ITCH: variants seen among roughly 807,000 people sequenced by gnomAD.
ITCH encodes the protein E3 ubiquitin-protein ligase Itchy homolog.
A neutral mutation model predicts 126.8 loss-of-function variants in ITCH; 28 were observed. The ratio of observed to expected loss-of-function variants is 0.22; its 90% CI spans 0.16 to 0.30. ITCH has a LOEUF of 0.30. Among genes scored for constraint, ITCH ranks in the 10% least tolerant of loss-of-function variants. The pLI is 1.00. For synonymous variants in ITCH, 342 were observed against 340.0 expected (o/e 1.01, Z -0.06); for missense variants, 631 against 1,032.4 (o/e 0.61, Z 5.33).
rs1568591593 is a variant in ITCH, at chr20:34,511,131, C to CT, written c.*3337_*3338insT. 2 of 152,158 alleles carry CT rather than the reference C, an allele frequency of 1.3e-5. No homozygotes were observed. 9.4% of individuals were successfully genotyped at this position (152,158 alleles called of 1,614,324 possible). ...TATTGTTGGTATCTCCAGCCCCCCT[C>CT]CTTTTTTTGTTTTTCTTTTAGTTAT... On this transcript the variant is annotated 3_prime_UTR_variant, in exon 25 of 25. Transcript: ENST00000374864.
intron 12 of ITCH, 22 bp downstream of exon 12, chr20:34,449,502 A>G (rs1458159173): frequency 1.4e-6 from 2 of 1,472,252 alleles, no homozygotes; most frequent in Non-Finnish European, 1.9e-6. Flanking sequence ...GAGTTTCTTC[A>G]TGGAGTTCTG....
intron 20 of ITCH, among the ~76,000 whole-genome samples, chr20:34,482,706 G>C (rs978441899): frequency 6.6e-6 from 1 of 152,192 alleles, no homozygotes. Context: ...CAAGCTGTTG[G>C]TGGATCTACC....
chr20:34,511,747 A>G lies in ITCH; in HGVS notation c.*3953A>G, dbSNP rs1186693620. Among the ~76,000 whole-genome samples, 1 of 152,260 alleles carries G rather than the reference A, an allele frequency of 6.6e-6. No homozygotes were observed. The highest frequency in any genetic ancestry group is 1.5e-5 in the Non-Finnish European group (1 of 68,040). ...AAGCTATATGTCTACATGTGAGTGT[A>G]CATTCATCTAAAGACATAAGTGATT... On this transcript the variant is annotated 3_prime_UTR_variant, in exon 25 of 25. Transcript: ENST00000374864.
At chr20:34,397,903 AT>A (rs1452724161) in intron 3 of ITCH, among the ~76,000 whole-genome samples, 2 of 152,110 alleles carry the variant, frequency 1.3e-5, no homozygotes, top group Non-Finnish European at 2.9e-5. Context: ...TTTTTTACTG[AT>A]TTAAAAAAAT....
Position 34,479,785 on chromosome 20 carries a change from C to G in ITCH, c.1814C>G (p.Ala605Gly). ...KYFRFIGRFI[A>G]MALFHGKFID... ...TTTCGTTTTATTGGCAGATTTATTG[C>G]CATGGTAAGTGCAGGTCAAGAATTA... Residue 605 changes from alanine to glycine, a missense_variant, in exon 18 of 25, where the codon GCC (alanine) becomes GGC (glycine). This residue lies in a region of ITCH where 390 missense variants were observed against 731.6 expected (regional missense o/e 0.53). Transcript: ENST00000374864. 1.9e-6 allele frequency: 3 copies of G among 1,613,216 alleles called. 1 individual carries two copies. In the South Asian group the frequency reaches 3.3e-5, roughly 18 times the overall value.
intron 2 of ITCH, among the ~76,000 whole-genome samples, chr20:34,373,589 G>T (rs2122999449): frequency 6.6e-6 from 1 of 152,238 alleles, no homozygotes; most frequent in African/African-American, 2.4e-5. Flanking sequence ...TATTTTAAGT[G>T]CTGCTGTATG....
chr20:34,407,290 G>T (rs367661803), intron 3 of ITCH, among the ~76,000 whole-genome samples: 1 of 151,772 alleles, frequency 6.6e-6, no homozygotes, highest in African/African-American at 2.4e-5. Context: ...TTTTTGATAC[G>T]TAGGCTCACT....
At chr20:34,504,251 T>C in intron 23 of ITCH, 80 bp from the exon 24 acceptor site, 2 of 1,031,508 alleles carry the variant, frequency 1.9e-6, no homozygotes, top group East Asian at 4.8e-5. Flanking sequence ...TCCCTCATGA[T>C]GCTGATGCTT....
rs550072235 is a variant in ITCH, at chr20:34,379,656, G to A, written c.-22+10186G>A. Among the ~76,000 whole-genome samples, 113 of 148,462 alleles carry A rather than the reference G, an allele frequency of 7.6e-4. 1 individual carries two copies. Among genetic ancestry groups the A allele is most frequent in the African/African-American group, 2.6e-3 (106 of 40,116 alleles). On this transcript the variant is annotated intron_variant, in intron 2 of 24. Transcript: ENST00000374864. ...GTCACCCAGGCTGGAGTGCAGTAGT[G>A]CGATCTTGACTCACTGCAACCTCCG...
At chr20:34,484,023 T>TA (rs1988942853) in intron 20 of ITCH, among the ~76,000 whole-genome samples, 1 of 152,188 alleles carries the variant, frequency 6.6e-6, no homozygotes, top group African/African-American at 2.4e-5. Context: ...TTATTCACTA[T>TA]AATGAGAACA....
At chr20:34,499,937 A>C (rs1373127757) in intron 23 of ITCH, among the ~76,000 whole-genome samples, 1 of 152,080 alleles carries the variant, frequency 6.6e-6, no homozygotes, top group African/African-American at 2.4e-5. Flanking sequence ...ACATTTCCCC[A>C]TTGGTCATTC....
intron 7 of ITCH, among the ~76,000 whole-genome samples, chr20:34,426,815 C>T (rs1251016502): frequency 2.0e-5 from 3 of 151,478 alleles, no homozygotes; most frequent in East Asian, 1.9e-4. Flanking sequence ...CACTCTGTCA[C>T]CCAGGCTGGA....
rs1345081405 is a variant in ITCH at position 34,444,764 on chromosome 20, C to T, written c.966-523C>T. On this transcript the variant is annotated intron_variant, in intron 10 of 24. Coordinates refer to ENST00000374864, the MANE Select transcript of ITCH (RefSeq NM_031483.7). ...TCAAGCAGTTCTCCTGCTCAGCGTC[C>T]CGCGTAGCTGGGACTACAGATCTGC... Among the ~76,000 whole-genome samples the T allele has an allele frequency of 2.6e-5, 4 of 152,138 alleles. No homozygotes were observed. In the East Asian group the frequency reaches 7.7e-4, roughly 29 times the overall value.
chr20:34,438,185 G>A (rs1016103632), intron 7 of ITCH, among the ~76,000 whole-genome samples: 1 of 152,186 alleles, frequency 6.6e-6, no homozygotes, highest in African/African-American at 2.4e-5. Context: ...AGGGCCTTCT[G>A]AAGGCTTATT....
intron 20 of ITCH, among the ~76,000 whole-genome samples, chr20:34,482,640 C>T (rs868026489): frequency 2.0e-5 from 3 of 152,206 alleles, no homozygotes; most frequent in African/African-American, 4.8e-5. Context: ...TAGCCCCCCA[C>T]CGGCTGCTTT....
At chr20:34,413,332 TA>T (rs1789041971) in intron 5 of ITCH, among the ~76,000 whole-genome samples, 1 of 152,214 alleles carries the variant, frequency 6.6e-6, no homozygotes. Context: ...CTCGACTATC[TA>T]AAACATACTT....
chr20:34,411,467 C>G (rs1979032713), intron 4 of ITCH, among the ~76,000 whole-genome samples: 1 of 152,038 alleles, frequency 6.6e-6, no homozygotes, highest in South Asian at 2.1e-4. Flanking sequence ...AAATATTTTC[C>G]TAATACAATA....
At chr20:34,401,971 C>CG (rs571424785) in intron 3 of ITCH, among the ~76,000 whole-genome samples, 163 of 152,000 alleles carry the variant, frequency 1.1e-3, no homozygotes, top group Middle Eastern at 3.4e-3. Context: ...GCTAGGGATA[C>CG]GGGGGGGCGG....
intron 1 of ITCH, among the ~76,000 whole-genome samples, chr20:34,365,904 G>A (rs1347211014): frequency 6.6e-6 from 1 of 152,128 alleles, no homozygotes; most frequent in Admixed American, 6.6e-5. Context: ...ATGGTCTTGG[G>A]AACCACTGAG....
Sources: gnomAD v4.1 joint callset for allele counts (sites outside exome capture counted in the v4.1 genomes callset) on GRCh38, gnomAD v4.1.1 for gene constraint, gnomAD v4.1.1 regional missense constraint, MANE v1.5 for transcripts, NCBI Gene and HGNC (gene_info 2026-07-23, HGNC 2026-07-21) for gene names.